TMTC2: variants seen among roughly 807,000 people sequenced by gnomAD.
The protein encoded by TMTC2 is transmembrane O-mannosyltransferase targeting cadherins 2.
TMTC2 carries 43 observed loss-of-function variants against 82.4 expected under a neutral mutation model. The ratio of observed to expected loss-of-function variants is 0.52; its 90% CI spans 0.41 to 0.67. TMTC2 has a LOEUF of 0.67. TMTC2 is among the 30% of genes least tolerant of loss of function. The probability of loss-of-function intolerance (pLI) is 0.00; values close to 1 mark genes in which losing one functional copy is unlikely to be tolerated. For synonymous variants in TMTC2, 408 were observed against 381.9 expected (o/e 1.07, Z -0.80); for missense variants, 919 against 1,012.4 (o/e 0.91, Z 1.25).
At chr12:83,119,035 A>T (rs1884861277) in intron 11 of TMTC2, among the ~76,000 whole-genome samples, 1 of 151,192 alleles carries the variant, frequency 6.6e-6, no homozygotes, top group Non-Finnish European at 1.5e-5. Flanking sequence ...GCCTATTTGG[A>T]TTTTCTTTTT....
At chr12:82,712,071 T>C (rs1410648693) in intron 1 of TMTC2, among the ~76,000 whole-genome samples, 1 of 152,108 alleles carries the variant, frequency 6.6e-6, no homozygotes, top group Non-Finnish European at 1.5e-5. Context: ...CTTTCTGTGC[T>C]CCCTCTCCTT....
At chr12:82,992,604 G>A (rs140330981) in intron 8 of TMTC2, among the ~76,000 whole-genome samples, 2 of 152,228 alleles carry the variant, frequency 1.3e-5, no homozygotes, top group African/African-American at 2.4e-5. Flanking sequence ...GTACCTGAAC[G>A]TTATGATTTA....
chr12:82,968,989 A>T (rs1878338123), intron 7 of TMTC2, among the ~76,000 whole-genome samples: 1 of 152,168 alleles, frequency 6.6e-6, no homozygotes, highest in African/African-American at 2.4e-5. Flanking sequence ...CTGCTAGCCA[A>T]TCAAGTTTTA....
intron 4 of TMTC2, among the ~76,000 whole-genome samples, chr12:82,938,442 G>A (rs1410129139): frequency 6.6e-6 from 1 of 152,180 alleles, no homozygotes; most frequent in East Asian, 1.9e-4. Context: ...CCATAGTAGG[G>A]ATATGTGTTG....
chr12:82,836,251 C>G (rs1411307779), intron 1 of TMTC2, among the ~76,000 whole-genome samples: 1 of 152,178 alleles, frequency 6.6e-6, no homozygotes, highest in African/African-American at 2.4e-5. Context: ...CCAAAGATAT[C>G]CACATCCTTA....
intron 3 of TMTC2, among the ~76,000 whole-genome samples, chr12:82,926,573 C>A (rs185654161): frequency 6.6e-6 from 1 of 152,190 alleles, no homozygotes; most frequent in Non-Finnish European, 1.5e-5. Context: ...GTGGCTACAA[C>A]TAAACAATGG....
chr12:82,960,630 G>C (rs1487345126), intron 4 of TMTC2, among the ~76,000 whole-genome samples: 1 of 151,842 alleles, frequency 6.6e-6, no homozygotes, highest in Admixed American at 6.6e-5. Context: ...CTAAAGCAGA[G>C]AGGGAGGGAG....
intron 11 of TMTC2, among the ~76,000 whole-genome samples, chr12:83,118,198 A>G (rs1037157381): frequency 1.3e-5 from 2 of 152,096 alleles, no homozygotes; most frequent in Non-Finnish European, 2.9e-5. Flanking sequence ...TAGGACTTCC[A>G]GTACTGTGTT....
intron 1 of TMTC2, among the ~76,000 whole-genome samples, chr12:82,846,760 A>G (rs879469819): frequency 5.9e-5 from 9 of 152,082 alleles, no homozygotes; most frequent in Non-Finnish European, 1.3e-4. Context: ...AACTTCCTGT[A>G]TTCTCTTTTC....
At chr12:83,010,270 C>G (rs568040963) in intron 8 of TMTC2, among the ~76,000 whole-genome samples, 6 of 152,114 alleles carry the variant, frequency 3.9e-5, no homozygotes, top group Non-Finnish European at 7.4e-5. Flanking sequence ...GAGATTGACC[C>G]TCCCATTCTT....
chr12:82,884,432 G>A (rs556041762), intron 2 of TMTC2, among the ~76,000 whole-genome samples: 26 of 152,086 alleles, frequency 1.7e-4, no homozygotes, highest in Admixed American at 3.3e-4. Context: ...ATTTTACTTC[G>A]TTGTGTATTC....
intron 1 of TMTC2, among the ~76,000 whole-genome samples, chr12:82,853,370 T>C (rs1228600645): frequency 2.6e-5 from 4 of 152,182 alleles, no homozygotes; most frequent in African/African-American, 9.7e-5. Flanking sequence ...TCCAAAGTGC[T>C]GGGATTACAG....
chr12:82,948,837 A>G (rs899242401), intron 4 of TMTC2, among the ~76,000 whole-genome samples: 6 of 141,154 alleles, frequency 4.3e-5, no homozygotes, highest in Non-Finnish European at 9.2e-5. Context: ...TGATTTCTGT[A>G]GAATTCTCAA....
chr12:82,751,252 T>C (rs894394967), intron 1 of TMTC2, among the ~76,000 whole-genome samples: 1 of 152,004 alleles, frequency 6.6e-6, no homozygotes, highest in African/African-American at 2.4e-5. Flanking sequence ...GTGGATGAAA[T>C]TGGAAATTAT....
chr12:82,918,779 A>T (rs1170340869), intron 3 of TMTC2, among the ~76,000 whole-genome samples: 2 of 148,652 alleles, frequency 1.3e-5, no homozygotes, highest in African/African-American at 5.0e-5. Context: ...TCTCTTTGAG[A>T]CAGAGTCTTG....
At chr12:82,922,047 C>T (rs145534813) in intron 3 of TMTC2, among the ~76,000 whole-genome samples, 73 of 151,860 alleles carry the variant, frequency 4.8e-4, no homozygotes, top group African/African-American at 1.8e-3. Flanking sequence ...GTTGAGGCTG[C>T]ACTGAGCCAT....
At chr12:83,102,516 G>A (rs1267693196) in intron 11 of TMTC2, among the ~76,000 whole-genome samples, 1 of 152,172 alleles carries the variant, frequency 6.6e-6, no homozygotes, top group Non-Finnish European at 1.5e-5. Flanking sequence ...ATATCAAAAT[G>A]CAAAACAGTC....
Position 82,965,722 on chromosome 12 carries a change from A to T in TMTC2, c.1847A>T (p.Tyr616Phe). 1 of 1,613,886 alleles carries T rather than the reference A, an allele frequency of 6.2e-7. No individual in the cohort carries two copies. Among genetic ancestry groups the T allele is most frequent in the Non-Finnish European group, 8.5e-7 (1 of 1,179,864 alleles). ...TGTTTGTACAACCTAGGAAAGCTGT[A>T]TCATGAGCAGGGACACTATGAGGTC... Reference protein sequence around the residue: ...TSCLYNLGKLYHEQGHYEEAL... With the variant: ...TSCLYNLGKLFHEQGHYEEAL... Residue 616 changes from tyrosine to phenylalanine, a missense_variant, in exon 6 of 12, where the codon TAT (tyrosine) becomes TTT (phenylalanine). Coordinates refer to ENST00000321196, the MANE Select transcript of TMTC2 (RefSeq NM_152588.3).
rs866710558 is a variant in TMTC2 at position 82,985,812 on chromosome 12, C to A, written c.1949-113C>A. The stretch of plus-strand genomic sequence containing the variant: ...GATGAGAACATGAATGAAAGTACTT[C>A]CCACAGCATCTGAAATTCCACGCAG... On this transcript the variant is annotated intron_variant, in intron 7 of 11. Transcript: ENST00000321196. The A allele has an allele frequency of 3.4e-4, 451 of 1,331,826 alleles. 3 individuals are homozygous for A. Among genetic ancestry groups the A allele is most frequent in the Middle Eastern group, 2.8e-4 (1 of 3,624 alleles). The allele number at this position is 1,331,826 out of a possible 1,614,324, so 82.5% of individuals were successfully genotyped here.
Sources: allele counts gnomAD v4.1 joint callset (sites outside exome capture counted in the v4.1 genomes callset), GRCh38; gene constraint gnomAD v4.1.1; transcripts MANE v1.5; gene names NCBI Gene and HGNC (gene_info 2026-07-23, HGNC 2026-07-21).